Variants in THSD4 observed in about 807,000 individuals in gnomAD.
THSD4 encodes thrombospondin type-1 domain-containing protein 4.
Under a neutral mutation model 119.0 loss-of-function variants are expected in THSD4, and 69 were observed. The observed-to-expected ratio is 0.58, with a 90% CI of 0.48 to 0.71. The LOEUF (loss-of-function observed/expected upper bound fraction) is 0.71, where lower values mean the gene tolerates loss of function less well. Ranked by LOEUF, THSD4 falls within the 30% of genes least tolerant of loss-of-function variation. THSD4 has a pLI of 0.00. For synonymous variants in THSD4, 524 were observed against 540.4 expected (o/e 0.97, Z 0.42); for missense variants, 1,393 against 1,391.1 (o/e 1.00, Z -0.02).
chr15:71,584,147 T>C (rs1021120325), intron 7 of THSD4, among the ~76,000 whole-genome samples: 2 of 152,064 alleles, frequency 1.3e-5, no homozygotes, highest in African/African-American at 4.8e-5. Flanking sequence ...TCCTTTATCA[T>C]CATATAATGA....
rs562186631 is a variant in THSD4, at chr15:71,598,110, C to T, written c.1153-62420C>T. ...AAGAGGACCGGTCAAGAGATGGAAG[C>T]CAGGCTATCTTGGTGGGCAGAGCCC... On this transcript the variant is annotated intron_variant, in intron 7 of 17. Transcript: ENST00000261862. 4.6e-5 allele frequency among the ~76,000 whole-genome samples: 7 copies of T among 152,170 alleles called. No homozygotes were observed. The East Asian group carries it at 1.4e-3, about 29-fold the overall frequency.
At chr15:71,753,960 G>C (rs2053493206) in intron 14 of THSD4, among the ~76,000 whole-genome samples, 1 of 152,064 alleles carries the variant, frequency 6.6e-6, no homozygotes, top group Non-Finnish European at 1.5e-5. Context: ...AAATGTATGT[G>C]CATTACTTGG....
intron 6 of THSD4, among the ~76,000 whole-genome samples, chr15:71,308,861 C>T (rs762444827): frequency 7.2e-5 from 11 of 152,198 alleles, no homozygotes; most frequent in Non-Finnish European, 1.3e-4. Flanking sequence ...CCACCAGCAA[C>T]GTATGAGGGT....
chr15:71,492,607 G>A (rs553107732), intron 7 of THSD4, among the ~76,000 whole-genome samples: 7 of 152,250 alleles, frequency 4.6e-5, no homozygotes, highest in South Asian at 4.2e-4. Flanking sequence ...ATATTTGTAA[G>A]AGAAAGCAAA....
chr15:71,341,964 T>G (rs1222452166), intron 6 of THSD4, among the ~76,000 whole-genome samples: 1 of 152,006 alleles, frequency 6.6e-6, no homozygotes, highest in East Asian at 1.9e-4. Context: ...AAGAAGACAG[T>G]AAAAAATTAC....
At chr15:71,586,436 G>A (rs1481168943) in intron 7 of THSD4, among the ~76,000 whole-genome samples, 1 of 152,102 alleles carries the variant, frequency 6.6e-6, no homozygotes, top group Non-Finnish European at 1.5e-5. Context: ...TAAGCTCACT[G>A]GTTGTTGCCA....
intron 8 of THSD4, among the ~76,000 whole-genome samples, chr15:71,670,950 G>A (rs530239581): frequency 7.2e-5 from 11 of 152,202 alleles, no homozygotes; most frequent in African/African-American, 1.7e-4. Flanking sequence ...GAATAGTGCC[G>A]CAATAAACAT....
At chr15:71,457,211 A>G (rs1379186148) in intron 7 of THSD4, among the ~76,000 whole-genome samples, 5 of 151,816 alleles carry the variant, frequency 3.3e-5, no homozygotes, top group Non-Finnish European at 5.9e-5. Flanking sequence ...GTGAAACCCT[A>G]TCTCCACAAA....
chr15:71,709,258 T>G (rs1294297585), intron 8 of THSD4, among the ~76,000 whole-genome samples: 2 of 152,232 alleles, frequency 1.3e-5, no homozygotes, highest in African/African-American at 4.8e-5. Flanking sequence ...GCCTACAGGT[T>G]CTGCTGATTT....
intron 3 of THSD4, among the ~76,000 whole-genome samples, chr15:71,165,888 G>T (rs1475523681): frequency 6.6e-6 from 1 of 152,138 alleles, no homozygotes; most frequent in Non-Finnish European, 1.5e-5. Context: ...GTGGCTGCAT[G>T]GGGCTCTTTC....
At chr15:71,101,736 CAG>C (rs2040254505) in intron 1 of THSD4, among the ~76,000 whole-genome samples, 1 of 148,424 alleles carries the variant, frequency 6.7e-6, no homozygotes, top group African/African-American at 2.5e-5. Context: ...TTTTTTGAGA[CAG>C]AGTCTCACTC....
chr15:71,735,948 C>T (rs1407593141), intron 10 of THSD4, among the ~76,000 whole-genome samples: 1 of 150,454 alleles, frequency 6.6e-6, no homozygotes, highest in Non-Finnish European at 1.5e-5. Flanking sequence ...ATCTCTCTGT[C>T]TCTCTTGCTG....
chr15:71,344,245 G>A (rs191022423), intron 6 of THSD4, among the ~76,000 whole-genome samples: 3,406 of 151,938 alleles, frequency 0.022, 123 homozygotes, highest in African/African-American at 0.079. Context: ...GGGTTTCACC[G>A]TGTTAGTCAG....
chr15:71,174,129 C>G (rs1028299899), intron 3 of THSD4, among the ~76,000 whole-genome samples: 13 of 152,164 alleles, frequency 8.5e-5, no homozygotes, highest in Admixed American at 2.0e-4. Flanking sequence ...AAGACACTAT[C>G]GAGCAGAAAT....
chr15:71,545,342 G>A (rs921593396), intron 7 of THSD4, among the ~76,000 whole-genome samples: 2 of 152,154 alleles, frequency 1.3e-5, no homozygotes, highest in African/African-American at 2.4e-5. Flanking sequence ...TGATTGAGAA[G>A]TGTCTAGACC....
intron 7 of THSD4, among the ~76,000 whole-genome samples, chr15:71,448,754 A>T (rs2047223536): frequency 6.6e-6 from 1 of 152,196 alleles, no homozygotes; most frequent in Non-Finnish European, 1.5e-5. Context: ...TGATTTGTCC[A>T]CTGTGGCTGC....
At chr15:71,432,442 C>T (rs147281406) in intron 7 of THSD4, among the ~76,000 whole-genome samples, 189 of 151,476 alleles carry the variant, frequency 1.2e-3, no homozygotes, top group African/African-American at 4.0e-3. Flanking sequence ...CTTTGATAGA[C>T]GGGAGACTCA....
At chr15:71,605,866 A>T (rs12441623) in intron 7 of THSD4, among the ~76,000 whole-genome samples, 13,258 of 152,204 alleles carry the variant, frequency 0.087, 1,325 homozygotes, top group East Asian at 0.52. Context: ...GAGCCCTGGG[A>T]TGCTCCGATG....
At chr15:71,724,285 A>ATT (rs1448681867) in intron 8 of THSD4, among the ~76,000 whole-genome samples, 20 of 20,338 alleles carry the variant, frequency 9.8e-4, no homozygotes, top group Admixed American at 7.5e-3. Flanking sequence ...ATATATATAT[A>ATT]TATTTTTTTT....
Sources: gnomAD v4.1 joint callset for allele counts (sites outside exome capture counted in the v4.1 genomes callset) on GRCh38, gnomAD v4.1.1 for gene constraint, MANE v1.5 for transcripts, NCBI Gene and HGNC (gene_info 2026-07-23, HGNC 2026-07-21) for gene names.